Variants in GYG1 observed in about 807,000 individuals in gnomAD.
GYG1 encodes glycogenin-1.
A neutral mutation model predicts 41.9 loss-of-function variants in GYG1; 44 were observed. The observed-to-expected ratio is 1.05, with a 90% CI of 0.83 to 1.35. The LOEUF (loss-of-function observed/expected upper bound fraction) is 1.35, where lower values mean the gene tolerates loss of function less well. Ranked by LOEUF, GYG1 falls within the 40% of genes most tolerant of loss-of-function variation. The pLI, the probability that GYG1 is intolerant of heterozygous loss-of-function variation, is 0.00. For missense variants in GYG1, 429 were observed against 418.9 expected, an observed-to-expected ratio of 1.02 and a Z score of -0.21; for synonymous variants, 141 against 158.1, an observed-to-expected ratio of 0.89 and a Z score of 0.81.
rs558733699 is a variant in GYG1, at chr3:149,022,938, G to A, written c.609-1115G>A. ...TTCATTTTAGATTGTATTCCATGCT[G>A]TGAATATAGCAGAACTTTTCCTTTA... On this transcript the variant is annotated intron_variant, in intron 5 of 7. Coordinates refer to ENST00000345003, the MANE Select transcript of GYG1 (RefSeq NM_004130.4). 1.3e-4 allele frequency among the ~76,000 whole-genome samples: 19 copies of A among 147,882 alleles called. 1 individual carries two copies. The South Asian group carries it at 3.7e-3, about 28-fold the overall frequency.
In GYG1 at chr3:149,024,208, CCAA is replaced by C. The variant is rs777872597; in HGVS notation, c.766_768del (p.Asn256del). 1.5e-5 allele frequency: 25 copies of C among 1,613,932 alleles called. 1 individual carries two copies. In the South Asian group the frequency reaches 1.9e-4, roughly 12 times the overall value. The stretch of plus-strand genomic sequence containing the variant: ...ATCCTGTGGTGGAACATCTTTACCA[CCAA>C]CGTTTTACCTCTGCTTCAACAATTT... On this transcript the variant is annotated inframe_deletion, in exon 6 of 8. Coordinates refer to ENST00000345003, the MANE Select transcript of GYG1 (RefSeq NM_004130.4).
intron 4 of GYG1, among the ~76,000 whole-genome samples, chr3:149,004,720 A>C (rs897399992): frequency 2.0e-5 from 3 of 152,200 alleles, no homozygotes; most frequent in Non-Finnish European, 4.4e-5. Context: ...CTCTGGAGCC[A>C]AGGTTCTTGT....
In GYG1 at chr3:148,996,475, T is replaced by G. The variant is rs753889873; in HGVS notation, c.317T>G (p.Leu106Arg). 1 of 1,612,360 alleles carries G rather than the reference T, an allele frequency of 6.2e-7. No individual in the cohort carries two copies. The highest frequency in any genetic ancestry group is 8.5e-7 in the Non-Finnish European group (1 of 1,178,608). The change falls in exon 3 of 8, where the codon CTG (leucine) becomes CGG (arginine). Residue 106 changes from leucine (L) to arginine (R), a missense_variant and splice_region_variant. Leu to Arg is a moderately radical substitution (Grantham distance 102). Transcript: ENST00000345003. ...SKCVFMDADT[L>R]VLANIDDLFD... ...TGTGTATTCATGGATGCAGATACTC[T>G]GGTGAGTGTGGCTTTGAGGGTAGAA...
At chr3:149,020,266 G>A (rs539171495) in intron 5 of GYG1, among the ~76,000 whole-genome samples, 16 of 152,288 alleles carry the variant, frequency 1.1e-4, no homozygotes, top group Middle Eastern at 3.4e-3. Flanking sequence ...TATACTTGGG[G>A]GATTGCCAGG....
intron 4 of GYG1, among the ~76,000 whole-genome samples, chr3:149,000,208 A>C (rs1026251040): frequency 1.3e-5 from 2 of 152,194 alleles, no homozygotes; most frequent in African/African-American, 4.8e-5. Context: ...CTAAAATTCT[A>C]TAATGTTAGA....
chr3:149,027,334 C>A lies in GYG1; in HGVS notation c.*401C>A. 4.6e-6 allele frequency: 1 copy of A among 217,490 alleles called. No individual in the cohort carries two copies. The highest frequency in any genetic ancestry group is 9.4e-6 in the Non-Finnish European group (1 of 106,794). 13.5% of individuals were successfully genotyped at this position (217,490 alleles called of 1,614,324 possible). A position where few individuals can be genotyped will look rare whatever the true frequency, so the allele number is the denominator to read the frequency against. On this transcript the variant is annotated 3_prime_UTR_variant, in exon 8 of 8. Transcript: ENST00000345003. The stretch of plus-strand genomic sequence containing the variant: ...TTGCTTGTTGGTTGTGTACCTTTCA[C>A]GAGACCTGAATTTTAGAATTGCCCA...
chr3:148,996,917 T>A lies in GYG1; in HGVS notation c.481+13T>A. On this transcript the variant is annotated intron_variant, in intron 4 of 7. Transcript: ENST00000345003. ...GGTAGTTTTGATGGTATGTATTTGC[T>A]ATCTTCATGTCTGATAAGCTGTTAA... 2 of 1,594,892 alleles carry A rather than the reference T, an allele frequency of 1.3e-6. No homozygotes were observed. The highest frequency in any genetic ancestry group is 1.7e-6 in the Non-Finnish European group (2 of 1,162,568).
rs1484258381 is a variant in GYG1, at chr3:149,031,005, T to TA, written c.*4073dup. 2 of 152,202 alleles carry TA rather than the reference T, an allele frequency of 1.3e-5. No homozygotes were observed. Among genetic ancestry groups the TA allele is most frequent in the African/African-American group, 4.8e-5 (2 of 41,450 alleles). 9.4% of individuals were successfully genotyped at this position (152,202 alleles called of 1,614,324 possible). ...CAAACATGAAGCTTCTCTTGTTTGT[T>TA]AGAGTAATTAATCTTTCTTTGGATT... is the stretch of plus-strand genomic sequence containing the variant. On this transcript the variant is annotated 3_prime_UTR_variant, in exon 8 of 8. Coordinates refer to ENST00000345003, the MANE Select transcript of GYG1 (RefSeq NM_004130.4).
rs985125466 is a variant in GYG1 at position 149,028,938 on chromosome 3, C to G, written c.*2005C>G. ...TTTCACCATGTTGCCAGGATGGTCTCAATCTCTTGACCTCGTGATCCACCG... is the reference window on the plus strand; with the variant it reads ...TTTCACCATGTTGCCAGGATGGTCTGAATCTCTTGACCTCGTGATCCACCG... On this transcript the variant is annotated 3_prime_UTR_variant, in exon 8 of 8. Transcript: ENST00000345003. Among the ~76,000 whole-genome samples, 1 of 152,142 alleles carries G rather than the reference C, an allele frequency of 6.6e-6. No homozygotes were observed. Among genetic ancestry groups the G allele is most frequent in the African/African-American group, 2.4e-5 (1 of 41,444 alleles).
Position 149,024,043 on chromosome 3 carries a change from C to CA in GYG1, c.609-9dup. ...TCCACTAACTGTTTCAACTTGCGTT[C>CA]ACTTGGCAGGTTTGGTGCAAGTGCC... is the stretch of plus-strand genomic sequence containing the variant. On this transcript the variant is annotated splice_polypyrimidine_tract_variant and intron_variant, in intron 5 of 7. Transcript: ENST00000345003. 1 of 1,604,364 alleles carries CA rather than the reference C, an allele frequency of 6.2e-7. No homozygotes were observed. Among genetic ancestry groups the CA allele is most frequent in the Non-Finnish European group, 8.5e-7 (1 of 1,171,122 alleles).
At chr3:148,994,107 A>G (rs1254019375) in intron 1 of GYG1, 35 bp from the exon 2 acceptor site, 2 of 1,598,410 alleles carry the variant, frequency 1.3e-6, no homozygotes, top group East Asian at 2.2e-5. Flanking sequence ...CAGATAAGAT[A>G]CTGTAATGAG....
chr3:148,998,852 G>GT (rs1712949284), intron 4 of GYG1, among the ~76,000 whole-genome samples: 1 of 152,176 alleles, frequency 6.6e-6, no homozygotes, highest in Non-Finnish European at 1.5e-5. Flanking sequence ...TCGTCAGAGT[G>GT]TAGCTTTCTT....
chr3:148,999,612 A>G lies in GYG1; in HGVS notation c.481+2708A>G, dbSNP rs1248981695. On this transcript the variant is annotated intron_variant, in intron 4 of 7. Transcript: ENST00000345003. ...TGTGTTGGACTTATGCTTGATAGCA[A>G]TAAAATATTTCTTTATGGACAATGA... is the stretch of plus-strand genomic sequence containing the variant. Among the ~76,000 whole-genome samples, 3 of 152,228 alleles carry G rather than the reference A, an allele frequency of 2.0e-5. No homozygotes were observed. The East Asian group carries it at 5.8e-4, about 29-fold the overall frequency.
At chr3:148,996,636 C>A in intron 3 of GYG1, 106 bp from the exon 4 acceptor site, 1 of 1,254,474 alleles carries the variant, frequency 8.0e-7, no homozygotes, top group South Asian at 1.2e-5. Context: ...GCCCAGGCTG[C>A]CTTACAGCTG....
intron 1 of GYG1, among the ~76,000 whole-genome samples, chr3:148,993,409 A>G (rs1321581058): frequency 1.3e-5 from 2 of 152,136 alleles, no homozygotes; most frequent in Admixed American, 1.3e-4. Flanking sequence ...CTCCAAATCT[A>G]TTTATCAGTG....
chr3:149,021,498 TG>T (rs1162288249), intron 5 of GYG1, among the ~76,000 whole-genome samples: 2 of 152,176 alleles, frequency 1.3e-5, no homozygotes, highest in African/African-American at 4.8e-5. Flanking sequence ...ACAAATAGGC[TG>T]TATTTTTCTT....
Position 149,021,404 on chromosome 3 carries a change from G to T in GYG1, c.609-2649G>T, listed in dbSNP as rs181070722. On this transcript the variant is annotated intron_variant, in intron 5 of 7. Transcript: ENST00000345003. ...CTTACGTGTATAAAATAAAGAGTAA[G>T]CTTGGGGATATCAAATATCCTCTTC... is the stretch of plus-strand genomic sequence containing the variant. Among the ~76,000 whole-genome samples, 40 of 152,330 alleles carry T rather than the reference G, an allele frequency of 2.6e-4. No individual in the cohort carries two copies. In the East Asian group the frequency reaches 4.0e-3, roughly 15 times the overall value.
In GYG1 at chr3:149,017,134, AC is replaced by A. The variant is rs201233512; in HGVS notation, c.609-6918del. 8.6e-3 allele frequency among the ~76,000 whole-genome samples: 1,317 copies of A among 152,336 alleles called. 10 individuals are homozygous for A. The highest frequency in any genetic ancestry group is 0.015 in the Non-Finnish European group (992 of 68,026). On this transcript the variant is annotated intron_variant, in intron 5 of 7. Transcript: ENST00000345003. ...TCCACATGTTACTGGCTGTTTCTCA[AC>A]TACTAAACTAGTCATGAAAATTCTA...
chr3:148,992,101 T>G (rs1712516550), intron 1 of GYG1, among the ~76,000 whole-genome samples: 1 of 151,622 alleles, frequency 6.6e-6, no homozygotes. Context: ...TACTGCGGCC[T>G]CCGCCCGGCT....
Sources: allele counts gnomAD v4.1 joint callset (sites outside exome capture counted in the v4.1 genomes callset), GRCh38; gene constraint gnomAD v4.1.1; transcripts MANE v1.5; gene names NCBI Gene and HGNC (gene_info 2026-07-23, HGNC 2026-07-21).